Variants in FARS2 observed in about 807,000 individuals in gnomAD.
The protein encoded by FARS2 is phenylalanine--tRNA ligase, mitochondrial.
A neutral mutation model predicts 46.4 loss-of-function variants in FARS2; 40 were observed. That is an observed-to-expected ratio of 0.86 (90% CI 0.67 to 1.12). The LOEUF (loss-of-function observed/expected upper bound fraction) is 1.12. Ranked by LOEUF, FARS2 falls within the 50% of genes most tolerant of loss-of-function variation. The pLI, the probability that FARS2 is intolerant of heterozygous loss-of-function variation, is 0.00. For missense variants in FARS2, 513 were observed against 567.9 expected (o/e 0.90, Z 0.98); for synonymous variants, 234 against 214.9 (o/e 1.09, Z -0.78).
rs180869371 is a variant in FARS2, at chr6:5,318,916, G to A, written c.-21-49634G>A. Among the ~76,000 whole-genome samples, 426 of 152,256 alleles carry A rather than the reference G, an allele frequency of 2.8e-3. 2 individuals carry two copies. Among genetic ancestry groups the A allele is most frequent in the African/African-American group, 9.8e-3 (407 of 41,542 alleles). On this transcript the variant is annotated intron_variant, in intron 1 of 6. Transcript: ENST00000274680. ...GGAAGTAGCCCCTGATATCCAGTCA[G>A]CCTGCATCGGCCTTAGGTTCCCTGC...
intron 4 of FARS2, among the ~76,000 whole-genome samples, chr6:5,468,441 A>G (rs1430352214): frequency 1.3e-5 from 2 of 152,198 alleles, no homozygotes; most frequent in African/African-American, 2.4e-5. Context: ...TCTTATTACA[A>G]TAATTGAATT....
At chr6:5,662,519 C>T (rs1188625151) in intron 6 of FARS2, among the ~76,000 whole-genome samples, 1 of 152,106 alleles carries the variant, frequency 6.6e-6, no homozygotes, top group Non-Finnish European at 1.5e-5. Context: ...TGGATGAAGC[C>T]CTGGAGGGAG....
intron 5 of FARS2, among the ~76,000 whole-genome samples, chr6:5,576,578 T>TGATATATAGAGTATATATCATA: frequency 6.9e-6 from 1 of 145,696 alleles, no homozygotes; most frequent in South Asian, 2.1e-4. Context: ...TATATATCTA[T>TGATATATAGAGTATATATCATA]GATATATACT....
intron 6 of FARS2, among the ~76,000 whole-genome samples, chr6:5,730,848 T>C (rs568573646): frequency 6.6e-6 from 1 of 152,320 alleles, no homozygotes; most frequent in East Asian, 1.9e-4. Context: ...GAGAGCTTTA[T>C]ACGGATTAAC....
intron 4 of FARS2, among the ~76,000 whole-genome samples, chr6:5,445,321 A>G (rs1764122865): frequency 6.6e-6 from 1 of 152,100 alleles, no homozygotes; most frequent in African/African-American, 2.4e-5. Context: ...GCTCAGTTTT[A>G]TTTTCTCCCC....
At chr6:5,508,410 G>T (rs1286477848) in intron 4 of FARS2, among the ~76,000 whole-genome samples, 3 of 152,194 alleles carry the variant, frequency 2.0e-5, no homozygotes, top group Non-Finnish European at 4.4e-5. Context: ...AATTCAGCAA[G>T]AAACAAGCTC....
intron 4 of FARS2, among the ~76,000 whole-genome samples, chr6:5,489,229 G>A (rs147441258): frequency 4.5e-4 from 68 of 152,194 alleles, no homozygotes; most frequent in African/African-American, 9.4e-4. Flanking sequence ...TGAGGTGGAC[G>A]GATCACTTGA....
chr6:5,593,839 AG>A (rs1174438247), intron 5 of FARS2, among the ~76,000 whole-genome samples: 1 of 152,210 alleles, frequency 6.6e-6, no homozygotes, highest in Non-Finnish European at 1.5e-5. Context: ...GTCAGAATGT[AG>A]GGCTGTATTT....
chr6:5,454,142 G>C (rs982504036), intron 4 of FARS2, among the ~76,000 whole-genome samples: 2 of 150,018 alleles, frequency 1.3e-5, no homozygotes, highest in Admixed American at 6.6e-5. Flanking sequence ...TTTTTTCAAA[G>C]CAGTATGCCT....
At chr6:5,610,327 G>T (rs908517597) in intron 5 of FARS2, 2 of 381,140 alleles carry the variant, frequency 5.2e-6, no homozygotes, top group Non-Finnish European at 9.2e-6. Context: ...AAAAAAAAAA[G>T]AATTATAAAG....
chr6:5,349,707 C>T (rs1757452157), intron 1 of FARS2, among the ~76,000 whole-genome samples: 1 of 152,080 alleles, frequency 6.6e-6, no homozygotes, highest in Non-Finnish European at 1.5e-5. Flanking sequence ...TTTTCCATTC[C>T]AGGATACTAC....
chr6:5,387,605 C>CAG (rs1760219186), intron 2 of FARS2, among the ~76,000 whole-genome samples: 1 of 152,186 alleles, frequency 6.6e-6, no homozygotes, highest in South Asian at 2.1e-4. Context: ...AAATTTGGTT[C>CAG]TTGACTCGGC....
chr6:5,631,629 G>A (rs770409971), intron 6 of FARS2, among the ~76,000 whole-genome samples: 3 of 152,206 alleles, frequency 2.0e-5, no homozygotes, highest in Non-Finnish European at 2.9e-5. Flanking sequence ...TGAGATCTTG[G>A]ATACCACTCT....
chr6:5,347,771 A>G (rs1379197874), intron 1 of FARS2, among the ~76,000 whole-genome samples: 4 of 152,242 alleles, frequency 2.6e-5, no homozygotes, highest in African/African-American at 9.6e-5. Flanking sequence ...TCACCAACAA[A>G]TCAGAGTTCT....
chr6:5,474,668 T>TTTTG (rs1159246571), intron 4 of FARS2, among the ~76,000 whole-genome samples: 1 of 148,556 alleles, frequency 6.7e-6, no homozygotes, highest in Non-Finnish European at 1.5e-5. Flanking sequence ...GTACTGTTTT[T>TTTTG]TTTTTTTTTT....
At chr6:5,608,558 A>T (rs1158824976) in intron 5 of FARS2, among the ~76,000 whole-genome samples, 1 of 152,204 alleles carries the variant, frequency 6.6e-6, no homozygotes, top group Admixed American at 6.5e-5. Flanking sequence ...CATGATAATG[A>T]ATGATACACA....
At chr6:5,404,801 T>G (rs1761467628) in intron 3 of FARS2, 100 bp downstream of exon 3, 1 of 872,678 alleles carries the variant, frequency 1.1e-6, no homozygotes, top group African/African-American at 1.7e-5. Flanking sequence ...ATTTTGAAAT[T>G]CTTTTTTTTT....
chr6:5,451,524 G>T (rs904111560), intron 4 of FARS2, among the ~76,000 whole-genome samples: 1 of 152,148 alleles, frequency 6.6e-6, no homozygotes, highest in Non-Finnish European at 1.5e-5. Flanking sequence ...AGCCAGTGGA[G>T]ACTTTTTAAT....
At chr6:5,506,480 C>T (rs1432926006) in intron 4 of FARS2, among the ~76,000 whole-genome samples, 1 of 152,142 alleles carries the variant, frequency 6.6e-6, no homozygotes. Context: ...TGGGCACAGC[C>T]TCTTAACCAC....
Sources: gnomAD v4.1 joint callset for allele counts (sites outside exome capture counted in the v4.1 genomes callset) on GRCh38, gnomAD v4.1.1 for gene constraint, MANE v1.5 for transcripts, NCBI Gene and HGNC (gene_info 2026-07-23, HGNC 2026-07-21) for gene names.